The following UBA6 variants were observed in gnomAD, a reference collection of about 807,000 sequenced individuals.
The protein encoded by UBA6 is ubiquitin like modifier activating enzyme 6, also known as ubiquitin-like modifier-activating enzyme 6.
In UBA6, 87 loss-of-function variants were observed where a neutral mutation model predicts 148.3. That is an observed-to-expected ratio of 0.59 (90% CI 0.49 to 0.70). UBA6 has a LOEUF of 0.70. UBA6 is among the 30% of genes least tolerant of loss of function. The pLI, the probability that UBA6 is intolerant of heterozygous loss-of-function variation, is 0.00. For missense variants in UBA6, 1,186 were observed against 1,241.2 expected (o/e 0.96, Z 0.67); for synonymous variants, 376 against 401.0 (o/e 0.94, Z 0.75).
chr4:67,686,283 A>G (rs1286275485), intron 2 of UBA6, among the ~76,000 whole-genome samples: 2 of 152,200 alleles, frequency 1.3e-5, no homozygotes, highest in Non-Finnish European at 2.9e-5. Context: ...GATGGCATTC[A>G]GGTTCTAGAG....
chr4:67,634,907 G>A (rs1729100233), intron 20 of UBA6, among the ~76,000 whole-genome samples: 1 of 152,056 alleles, frequency 6.6e-6, no homozygotes, highest in African/African-American at 2.4e-5. Flanking sequence ...AAAAGCATGA[G>A]TTTTTCCATG....
At chr4:67,697,263 C>T (rs1003894975) in intron 1 of UBA6, among the ~76,000 whole-genome samples, 3 of 152,194 alleles carry the variant, frequency 2.0e-5, no homozygotes, top group African/African-American at 7.2e-5. Context: ...CCTCAGCGTC[C>T]CAAAGTGCTA....
In UBA6 at chr4:67,618,943, A is replaced by C. The variant is rs1728689189; in HGVS notation, c.*54T>G. 3.2e-6 allele frequency: 5 copies of C among 1,562,354 alleles called. No individual in the cohort carries two copies. The East Asian group carries it at 1.1e-4, about 35-fold the overall frequency. ...CTGATTTTCTTTAGCTTCTGAATTAAGTGCACTCTTTCCAAAATCAAGTGG... is the reference window on the plus strand; with the variant it reads ...CTGATTTTCTTTAGCTTCTGAATTACGTGCACTCTTTCCAAAATCAAGTGG... On this transcript the variant is annotated 3_prime_UTR_variant, in exon 33 of 33. Coordinates refer to ENST00000322244, the MANE Select transcript of UBA6 (RefSeq NM_018227.6).
chr4:67,661,902 GAAT>G (rs1232119500), intron 13 of UBA6: 3 of 415,564 alleles, frequency 7.2e-6, no homozygotes, highest in South Asian at 9.0e-5. Context: ...GAATAATAAA[GAAT>G]AATAGTAACA....
intron 2 of UBA6, among the ~76,000 whole-genome samples, chr4:67,686,912 C>A (rs1026881841): frequency 6.4e-5 from 8 of 124,600 alleles, no homozygotes; most frequent in African/African-American, 2.5e-4. Context: ...TATGATCACG[C>A]CACTGCCCCC....
Position 67,670,507 on chromosome 4 carries a change from TCTC to T in UBA6, c.629_631del (p.Gly210del). ...TGAAATGAAAATTTCTTTTGGTTCTTCTCCTGTTGTATCTAAAACTTCAAATTC... is the reference window on the plus strand; with the variant it reads ...TGAAATGAAAATTTCTTTTGGTTCTTCTGTTGTATCTAAAACTTCAAATTC... On this transcript the variant is annotated inframe_deletion, in exon 8 of 33. Transcript: ENST00000322244. 2 of 1,595,762 alleles carry T rather than the reference TCTC, an allele frequency of 1.3e-6. No homozygotes were observed. Among genetic ancestry groups the T allele is most frequent in the Non-Finnish European group, 1.7e-6 (2 of 1,164,004 alleles).
intron 13 of UBA6, among the ~76,000 whole-genome samples, chr4:67,653,678 GA>G (rs199564648): frequency 0.016 from 2,372 of 152,316 alleles, 30 homozygotes; most frequent in Middle Eastern, 0.037. Context: ...ACTGGATGGA[GA>G]ATGACTTTGA....
chr4:67,678,027 C>T (rs923309483), intron 5 of UBA6, among the ~76,000 whole-genome samples: 2 of 145,288 alleles, frequency 1.4e-5, no homozygotes, highest in African/African-American at 5.0e-5. Context: ...TTAATAAATT[C>T]AAGGAAATAC....
At chr4:67,695,993 T>A (rs1730822609) in intron 2 of UBA6, among the ~76,000 whole-genome samples, 1 of 152,184 alleles carries the variant, frequency 6.6e-6, no homozygotes, top group African/African-American at 2.4e-5. Flanking sequence ...ATACAATACT[T>A]TAATTACTAA....
intron 13 of UBA6, among the ~76,000 whole-genome samples, chr4:67,660,074 A>G (rs1016474240): frequency 6.6e-6 from 1 of 152,192 alleles, no homozygotes; most frequent in African/African-American, 2.4e-5. Context: ...GTGCTCTTAA[A>G]AGCATTAAGT....
At chr4:67,632,836 T>G (rs540236731) in intron 23 of UBA6, among the ~76,000 whole-genome samples, 24 of 152,202 alleles carry the variant, frequency 1.6e-4, no homozygotes, top group African/African-American at 5.5e-4. Flanking sequence ...TTTGTTTTTT[T>G]TTAAAGTTGT....
intron 2 of UBA6, among the ~76,000 whole-genome samples, chr4:67,685,163 A>G (rs533552594): frequency 7.2e-5 from 11 of 152,124 alleles, no homozygotes; most frequent in African/African-American, 2.4e-4. Context: ...AACTAGTCTC[A>G]ATTTTTTAGT....
intron 13 of UBA6, chr4:67,661,932 C>A: frequency 2.4e-6 from 1 of 424,316 alleles, no homozygotes. Context: ...AAAATAGCAG[C>A]AAATATTAAT....
intron 2 of UBA6, among the ~76,000 whole-genome samples, chr4:67,696,404 T>C (rs1730835033): frequency 6.8e-6 from 1 of 147,866 alleles, no homozygotes; most frequent in Non-Finnish European, 1.5e-5. Flanking sequence ...TGTGTATATA[T>C]ACACACACAT....
intron 8 of UBA6, among the ~76,000 whole-genome samples, chr4:67,670,064 T>G (rs979545953): frequency 2.2e-4 from 33 of 152,176 alleles, no homozygotes; most frequent in Non-Finnish European, 1.5e-5. Context: ...TCCTTCCATC[T>G]CAGCCTCCTT....
In UBA6 at chr4:67,614,739, T is replaced by G. The variant is rs969535793; in HGVS notation, c.*4258A>C. The G allele has an allele frequency of 6.6e-6, 1 of 152,162 alleles. No individual in the cohort carries two copies. The highest frequency in any genetic ancestry group is 1.9e-4 in the East Asian group (1 of 5,198). The allele number at this position is 152,162 out of a possible 1,614,324, so 9.4% of individuals were successfully genotyped here. A position where few individuals can be genotyped will look rare whatever the true frequency, so the allele number is the denominator to read the frequency against. On this transcript the variant is annotated 3_prime_UTR_variant, in exon 33 of 33. Coordinates refer to ENST00000322244, the MANE Select transcript of UBA6 (RefSeq NM_018227.6). The stretch of plus-strand genomic sequence containing the variant: ...AGTACTTAACCATTAATAAATTGTT[T>G]TTATCAAAGAACATCATAAGGGAGG...
In UBA6 at chr4:67,617,557, C is replaced by T. The variant is rs1300642914; in HGVS notation, c.*1440G>A. On this transcript the variant is annotated 3_prime_UTR_variant, in exon 33 of 33. Transcript: ENST00000322244. ...ACTCTCCACTTCCACATACATTTTC[C>T]CCACTTGATGGTACTTTTACAAGAG... 6.6e-6 allele frequency: 1 copy of T among 152,020 alleles called. No individual in the cohort carries two copies. The highest frequency in any genetic ancestry group is 1.5e-5 in the Non-Finnish European group (1 of 67,948). The allele number at this position is 152,020 out of a possible 1,614,324, so 9.4% of individuals were successfully genotyped here.
rs57984969 is a variant in UBA6, at chr4:67,657,826, C to CAA, written c.1104+4361_1104+4362dup. Among the ~76,000 whole-genome samples, 301 of 115,114 alleles carry CAA rather than the reference C, an allele frequency of 2.6e-3. 5 individuals carry two copies. The highest frequency in any genetic ancestry group is 6.4e-3 in the East Asian group (26 of 4,050). The allele number at this position is 115,114 out of a possible 152,430, so 75.5% of individuals were successfully genotyped here. A position where few individuals can be genotyped will look rare whatever the true frequency, so the allele number is the denominator to read the frequency against. On this transcript the variant is annotated intron_variant, in intron 13 of 32. Transcript: ENST00000322244. Reference sequence around the variant, plus strand: ...TCTACAAAGAACTTAAACAAATTTACAAAAAAAAAAAAAAAAAGAAAACAA... The same window carrying CAA: ...TCTACAAAGAACTTAAACAAATTTACAAAAAAAAAAAAAAAAAAAGAAAACAA...
intron 25 of UBA6, among the ~76,000 whole-genome samples, chr4:67,631,381 T>C (rs1368149320): frequency 6.6e-6 from 1 of 152,192 alleles, no homozygotes; most frequent in Non-Finnish European, 1.5e-5. Flanking sequence ...AACTGAAGAT[T>C]CTTATATTTG....
Sources: gnomAD v4.1 joint callset for allele counts (sites outside exome capture counted in the v4.1 genomes callset) on GRCh38, gnomAD v4.1.1 for gene constraint, MANE v1.5 for transcripts, NCBI Gene and HGNC (gene_info 2026-07-23, HGNC 2026-07-21) for gene names.